Variants in SLIT1 observed in about 807,000 individuals in gnomAD.
SLIT1 encodes the protein slit guidance ligand 1.
A neutral mutation model predicts 186.1 loss-of-function variants in SLIT1; 66 were observed. That is an observed-to-expected ratio of 0.35 (90% confidence interval 0.29 to 0.44). The LOEUF is 0.44. SLIT1 is among the 20% of genes least tolerant of loss of function. SLIT1 has a pLI of 1.00. For synonymous variants in SLIT1, 761 were observed against 833.8 expected (o/e 0.91, Z 1.50); for missense variants, 1,638 against 2,037.4 (o/e 0.80, Z 3.77).
At chr10:97,088,548 C>T (rs902039211) in intron 4 of SLIT1, among the ~76,000 whole-genome samples, 1 of 152,088 alleles carries the variant, frequency 6.6e-6, no homozygotes, top group African/African-American at 2.4e-5. Flanking sequence ...TGCTGGTCGC[C>T]CTGGATTAGC....
In SLIT1 at chr10:97,057,213, A is replaced by G. The variant is rs758981038; in HGVS notation, c.1154T>C (p.Leu385Pro). ...GACACCCAGGATTCGTTCTTACAGG[A>G]GCTGTAGGGTGTATAGGCCTCCAAA... ...GVFGGLYTLQLLLLNANKINC... is the reference protein window; with the variant it reads ...GVFGGLYTLQPLLLNANKINC... The change falls in exon 12 of 37, where the codon CTC (leucine) becomes CCC (proline). Residue 385 changes from leucine (L) to proline (P), a missense_variant. Leu to Pro is a moderately conservative substitution (Grantham distance 98, BLOSUM62 -3). Transcript: ENST00000266058. 6.2e-7 allele frequency: 1 copy of G among 1,613,272 alleles called. No individual in the cohort carries two copies.
At chr10:97,081,630 G>T (rs1416938860) in intron 4 of SLIT1, among the ~76,000 whole-genome samples, 1 of 152,154 alleles carries the variant, frequency 6.6e-6, no homozygotes, top group African/African-American at 2.4e-5. Context: ...AGCCCCTGAG[G>T]CCCCCTCCAC....
chr10:97,163,790 A>C (rs1053455386), intron 2 of SLIT1, among the ~76,000 whole-genome samples: 3 of 152,256 alleles, frequency 2.0e-5, no homozygotes, highest in Non-Finnish European at 4.4e-5. Context: ...ATCAGGCTCC[A>C]GGGAGCCAGG....
chr10:97,127,285 CAAA>C (rs34328563), intron 4 of SLIT1, among the ~76,000 whole-genome samples: 3 of 131,404 alleles, frequency 2.3e-5, no homozygotes, highest in Non-Finnish European at 3.2e-5. Context: ...GACTCCGTCT[CAAA>C]AAAAAAAAAA....
At chr10:97,093,487 A>G (rs910656730) in intron 4 of SLIT1, among the ~76,000 whole-genome samples, 1 of 152,254 alleles carries the variant, frequency 6.6e-6, no homozygotes, top group East Asian at 1.9e-4. Flanking sequence ...TTCCTTCACT[A>G]CTTTCCTTCT....
chr10:97,050,808 G>A (rs575166187), intron 13 of SLIT1, among the ~76,000 whole-genome samples: 2 of 152,312 alleles, frequency 1.3e-5, no homozygotes, highest in Admixed American at 6.5e-5. Context: ...TACTCAAGGT[G>A]TGTGGTGTAG....
intron 1 of SLIT1, among the ~76,000 whole-genome samples, chr10:97,172,447 T>G (rs1393635563): frequency 6.6e-6 from 1 of 152,240 alleles, no homozygotes; most frequent in Non-Finnish European, 1.5e-5. Context: ...TTCTCACTAT[T>G]GTACCCCCAG....
intron 1 of SLIT1, among the ~76,000 whole-genome samples, chr10:97,174,960 T>C (rs1429594925): frequency 6.6e-6 from 1 of 152,266 alleles, no homozygotes; most frequent in Non-Finnish European, 1.5e-5. Flanking sequence ...TGTACTGTAC[T>C]ACTTTAAAAT....
intron 15 of SLIT1, 56 bp from the exon 16 acceptor site, chr10:97,047,890 T>C (rs1848749166): frequency 8.7e-6 from 14 of 1,613,608 alleles, no homozygotes; most frequent in Non-Finnish European, 1.2e-5. Context: ...CTCCCAGCAG[T>C]TTGGGTCAAC....
At chr10:97,182,635 C>T (rs1207229375) in intron 1 of SLIT1, among the ~76,000 whole-genome samples, 1 of 152,244 alleles carries the variant, frequency 6.6e-6, no homozygotes, top group Admixed American at 6.5e-5. Context: ...TCACCCCTGG[C>T]TTCCAACTAG....
At chr10:97,030,443 T>C (rs1848580996) in intron 25 of SLIT1, among the ~76,000 whole-genome samples, 1 of 152,180 alleles carries the variant, frequency 6.6e-6, no homozygotes, top group African/African-American at 2.4e-5. Context: ...GTGTGAAAGA[T>C]GAGAACCACA....
At chr10:97,130,988 C>A (rs568354842) in intron 4 of SLIT1, among the ~76,000 whole-genome samples, 2 of 152,138 alleles carry the variant, frequency 1.3e-5, no homozygotes, top group African/African-American at 4.8e-5. Context: ...ACCTCGGCCA[C>A]ATGGACATTC....
chr10:97,060,006 G>T, intron 10 of SLIT1, 81 bp downstream of exon 10: 2 of 1,217,778 alleles, frequency 1.6e-6, no homozygotes, highest in South Asian at 2.4e-5. Context: ...CTGAGTTAGG[G>T]CCTGCCCCAG....
intron 1 of SLIT1, among the ~76,000 whole-genome samples, chr10:97,183,372 C>G (rs549522509): frequency 6.6e-6 from 1 of 152,336 alleles, no homozygotes; most frequent in Admixed American, 6.5e-5. Flanking sequence ...CCTATCCTAT[C>G]ATAATAATGG....
At chr10:97,047,597 G>T in intron 16 of SLIT1, 93 bp downstream of exon 16, 1 of 1,316,712 alleles carries the variant, frequency 7.6e-7, no homozygotes, top group Non-Finnish European at 1.1e-6. Context: ...TTCAGCCCCA[G>T]ACAGGGCTGG....
intron 3 of SLIT1, among the ~76,000 whole-genome samples, chr10:97,158,191 C>A (rs1849975822): frequency 6.6e-6 from 1 of 152,188 alleles, no homozygotes; most frequent in East Asian, 1.9e-4. Context: ...CATTTGCAAG[C>A]CCTGTGTGGT....
At position 97,021,293 on chromosome 10, in the gene SLIT1, G is replaced by GCCCT; in HGVS notation, c.2699_2702dup (p.Lys902GlyfsTer13). 6.2e-7 allele frequency: 1 copy of GCCCT among 1,614,176 alleles called. No homozygotes were observed. Among genetic ancestry groups the GCCCT allele is most frequent in the Non-Finnish European group, 8.5e-7 (1 of 1,180,014 alleles). ...TGGCAGGCGTGGTGAGGAGCAGCTT[G>GCCCT]CCCTCCATGTCCTGGGGCCCAGCAC... On this transcript the variant is annotated frameshift_variant, in exon 26 of 37. Coordinates refer to ENST00000266058, the MANE Select transcript of SLIT1 (RefSeq NM_003061.3). LOFTEE classifies it high-confidence loss of function. This position sits in a 1 kb window ranked among gnomAD's most constrained non-coding sequence, Gnocchi z 4.5.
At chr10:97,177,984 C>A (rs577653167) in intron 1 of SLIT1, among the ~76,000 whole-genome samples, 2 of 152,064 alleles carry the variant, frequency 1.3e-5, no homozygotes, top group African/African-American at 4.8e-5. Context: ...CTCAAAAAAA[C>A]AAACAAACAA....
At chr10:97,083,681 C>T (rs888481200) in intron 4 of SLIT1, among the ~76,000 whole-genome samples, 1 of 152,174 alleles carries the variant, frequency 6.6e-6, no homozygotes, top group Admixed American at 6.5e-5. Context: ...CCCCTGTCTG[C>T]GATGAACATT....
Sources: gnomAD v4.1 joint callset for allele counts (sites outside exome capture counted in the v4.1 genomes callset) on GRCh38, gnomAD v4.1.1 for gene constraint, Gnocchi (gnomAD v3.1) non-coding constraint, MANE v1.5 for transcripts, NCBI Gene and HGNC (gene_info 2026-07-23, HGNC 2026-07-21) for gene names.